PHF3: variants seen among roughly 807,000 people sequenced by gnomAD.
PHF3 encodes PHD finger protein 3.
PHF3 carries 41 observed loss-of-function variants against 178.4 expected under a neutral mutation model. The observed-to-expected ratio is 0.23, with a 90% CI of 0.18 to 0.30. The LOEUF is 0.30. Among genes scored for constraint, PHF3 ranks in the 10% least tolerant of loss-of-function variants. The pLI, the probability that PHF3 is intolerant of heterozygous loss-of-function variation, is 1.00. For synonymous variants in PHF3, 842 were observed against 800.5 expected (o/e 1.05, Z -0.88); for missense variants, 2,346 against 2,398.1 (o/e 0.98, Z 0.45).
intron 6 of PHF3, among the ~76,000 whole-genome samples, 186 bp from the exon 7 acceptor site, chr6:63,698,037 C>A (rs1316993976): frequency 1.3e-5 from 2 of 152,008 alleles, no homozygotes; most frequent in Non-Finnish European, 2.9e-5. Flanking sequence ...AAGAGTAGGA[C>A]CAGTTTTTAG....
At chr6:63,636,930 C>T (rs1048508053) in intron 1 of PHF3, 3 of 152,004 alleles carry the variant, frequency 2.0e-5, no homozygotes, top group African/African-American at 7.3e-5. Context: ...GTCCTGTGTC[C>T]CTCCTTTCCC....
Position 63,702,652 on chromosome 6 carries a change from A to G in PHF3, c.3231+13A>G. 1.2e-6 allele frequency: 2 copies of G among 1,600,926 alleles called. No individual in the cohort carries two copies. Among genetic ancestry groups the G allele is most frequent in the Non-Finnish European group, 1.7e-6 (2 of 1,173,118 alleles). Reference sequence around the variant, plus strand: ...CATGGAGATTCAGGTAAGGATAGATATGCCATGTTTTATAGCTCAAAACAT... The same window carrying G: ...CATGGAGATTCAGGTAAGGATAGATGTGCCATGTTTTATAGCTCAAAACAT... On this transcript the variant is annotated intron_variant, in intron 10 of 15. Coordinates refer to ENST00000262043, the MANE Select transcript of PHF3 (RefSeq NM_001370348.2).
chr6:63,702,703 C>G (rs1767526559), intron 10 of PHF3, 64 bp downstream of exon 10: 2 of 1,469,630 alleles, frequency 1.4e-6, no homozygotes, highest in African/African-American at 2.8e-5. Context: ...GTTTATTTGC[C>G]TAATGTTTTT....
In PHF3 at chr6:63,711,688, C is replaced by G; in HGVS notation, c.4100C>G (p.Thr1367Ser). Reference sequence around the variant, plus strand: ...GCTAGTACTAGTCATATAGCTGAGACTCCTGAAAGTGCACCACCAATAGCA... The same window carrying G: ...GCTAGTACTAGTCATATAGCTGAGAGTCCTGAAAGTGCACCACCAATAGCA... ...ACASTSHIAETPESAPPIALP... is the reference protein window; with the variant it reads ...ACASTSHIAESPESAPPIALP... The change falls in exon 16 of 16, where the codon ACT (threonine) becomes AGT (serine). Residue 1367 changes from threonine (T) to serine (S), a missense_variant. Coordinates refer to ENST00000262043, the MANE Select transcript of PHF3 (RefSeq NM_001370348.2). 6.2e-7 allele frequency: 1 copy of G among 1,613,850 alleles called. No individual in the cohort carries two copies. The highest frequency in any genetic ancestry group is 1.3e-5 in the African/African-American group (1 of 75,018).
intron 12 of PHF3, 31 bp downstream of exon 12, chr6:63,706,255 C>CCTG: frequency 6.6e-7 from 1 of 1,506,470 alleles, no homozygotes; most frequent in Non-Finnish European, 9.1e-7. Context: ...TTCTGTAATA[C>CCTG]TCATTATAGA....
At chr6:63,708,026 C>T (rs1026730002) in intron 13 of PHF3, among the ~76,000 whole-genome samples, 4 of 151,924 alleles carry the variant, frequency 2.6e-5, no homozygotes, top group African/African-American at 7.3e-5. Flanking sequence ...GCTACCACAC[C>T]TGGCTAATTT....
chr6:63,703,886 T>A (rs1314418703), intron 11 of PHF3, among the ~76,000 whole-genome samples: 1 of 152,212 alleles, frequency 6.6e-6, no homozygotes, highest in African/African-American at 2.4e-5. Flanking sequence ...TTATACTATA[T>A]ATGATTTGAA....
In PHF3 at chr6:63,713,546, C is replaced by G; in HGVS notation, c.5958C>G (p.Ser1986Arg). The stretch of plus-strand genomic sequence containing the variant: ...ATCGAGGAACAGATGGAAAAGCAAG[C>G]AGAGATAGTAGGAATGTAGACAAGA... ...HGDRGTDGKA[S>R]RDSRNVDKKP... Residue 1986 changes from serine to arginine, a missense_variant, in exon 16 of 16, where the codon AGC becomes AGG. By Grantham distance (110) the Ser-to-Arg change is moderately radical (BLOSUM62 -1). This residue lies in a region of PHF3 where 839 missense variants were observed against 806.9 expected (regional missense o/e 1.04). Coordinates refer to ENST00000262043, the MANE Select transcript of PHF3 (RefSeq NM_001370348.2). 6.2e-7 allele frequency: 1 copy of G among 1,613,416 alleles called. No individual in the cohort carries two copies.
At chr6:63,690,828 A>AT (rs1359741745) in intron 4 of PHF3, among the ~76,000 whole-genome samples, 4 of 152,142 alleles carry the variant, frequency 2.6e-5, no homozygotes, top group Middle Eastern at 3.2e-3. Flanking sequence ...ATTTGCTATT[A>AT]TTTTCAAAAG....
intron 5 of PHF3, among the ~76,000 whole-genome samples, chr6:63,692,796 A>T (rs565423165): frequency 2.0e-5 from 3 of 152,154 alleles, no homozygotes; most frequent in Non-Finnish European, 4.4e-5. Context: ...AAGGGGATAC[A>T]TCTTCATTTT....
intron 2 of PHF3, among the ~76,000 whole-genome samples, chr6:63,655,484 A>G (rs1765195935): frequency 6.6e-6 from 1 of 152,134 alleles, no homozygotes; most frequent in Non-Finnish European, 1.5e-5. Context: ...AAGTGCTGGG[A>G]TTATAGGCAT....
At chr6:63,696,482 C>A (rs1020645577) in intron 6 of PHF3, among the ~76,000 whole-genome samples, 1 of 152,076 alleles carries the variant, frequency 6.6e-6, no homozygotes, top group Non-Finnish European at 1.5e-5. Flanking sequence ...CCACACCCAG[C>A]TAATTTTTTG....
At chr6:63,683,578 C>A (rs549370358) in intron 3 of PHF3, among the ~76,000 whole-genome samples, 20 of 151,914 alleles carry the variant, frequency 1.3e-4, no homozygotes, top group Non-Finnish European at 2.6e-4. Flanking sequence ...AGCTTTAATG[C>A]TAAAATGGTG....
rs748753540 is a variant in PHF3 at position 63,721,194 on chromosome 6, C to G, written c.*7486C>G. The G allele has an allele frequency of 1.9e-6, 3 of 1,551,520 alleles. No individual in the cohort carries two copies. In the South Asian group the frequency reaches 3.6e-5, roughly 18 times the overall value. ...AAATGAAGTTTTGTTTTCACAATAC[C>G]TTCCCACCCAACCCAAAGTACACAG... On this transcript the variant is annotated 3_prime_UTR_variant, in exon 16 of 16. Coordinates refer to ENST00000262043, the MANE Select transcript of PHF3 (RefSeq NM_001370348.2).
Position 63,722,245 on chromosome 6 carries a change from T to G in PHF3, c.*8537T>G, listed in dbSNP as rs1372297594. ...CTCTCTTTACTTCAACAACACTGACTTTGTTAATTAAGGATTTCATTCGCC... is the reference window on the plus strand; with the variant it reads ...CTCTCTTTACTTCAACAACACTGACGTTGTTAATTAAGGATTTCATTCGCC... On this transcript the variant is annotated 3_prime_UTR_variant, in exon 16 of 16. Coordinates refer to ENST00000262043, the MANE Select transcript of PHF3 (RefSeq NM_001370348.2). Among the ~76,000 whole-genome samples, 1 of 152,114 alleles carries G rather than the reference T, an allele frequency of 6.6e-6. No individual in the cohort carries two copies. The highest frequency in any genetic ancestry group is 1.5e-5 in the Non-Finnish European group (1 of 68,004).
chr6:63,648,253 T>G (rs1479270920), intron 2 of PHF3, among the ~76,000 whole-genome samples: 3 of 152,236 alleles, frequency 2.0e-5, no homozygotes, highest in African/African-American at 7.2e-5. Flanking sequence ...TATGTATGCA[T>G]TGTTCAAGTT....
Position 63,712,148 on chromosome 6 carries a change from C to G in PHF3, c.4560C>G (p.Asn1520Lys). 6.2e-7 allele frequency: 1 copy of G among 1,613,270 alleles called. No individual in the cohort carries two copies. The highest frequency in any genetic ancestry group is 1.1e-5 in the South Asian group (1 of 90,956). Residue 1520 changes from asparagine (N) to lysine (K), a missense_variant, in exon 16 of 16, where the codon AAC becomes AAG. By Grantham distance (94) the Asn-to-Lys change is moderately conservative. Around this residue, in one of 8 missense-constraint regions of PHF3, gnomAD observed 839 missense variants for 806.9 expected, o/e 1.04. Transcript: ENST00000262043. ...TDNVEVTDGE[N>K]KEIKVKVDNI... ...ATGTGGAAGTAACTGATGGTGAAAA[C>G]AAGGAGATAAAAGTTAAAGTAGATA...
intron 2 of PHF3, among the ~76,000 whole-genome samples, chr6:63,649,648 T>A (rs1764940821): frequency 6.6e-6 from 1 of 152,250 alleles, no homozygotes; most frequent in African/African-American, 2.4e-5. Context: ...CATAGAAGAT[T>A]ACGTTTAGTG....
intron 10 of PHF3, 51 bp downstream of exon 10, chr6:63,702,690 A>T (rs774151967): frequency 6.5e-7 from 1 of 1,527,124 alleles, no homozygotes; most frequent in Non-Finnish European, 8.9e-7. Context: ...AGATTCAGAA[A>T]AGGTTTATTT....
Sources: gnomAD v4.1 joint callset for allele counts (sites outside exome capture counted in the v4.1 genomes callset) on GRCh38, gnomAD v4.1.1 for gene constraint, gnomAD v4.1.1 regional missense constraint, MANE v1.5 for transcripts, NCBI Gene and HGNC (gene_info 2026-07-23, HGNC 2026-07-21) for gene names.